ELK4: variants seen among roughly 807,000 people sequenced by gnomAD.
The protein encoded by ELK4 is ETS domain-containing protein Elk-4.
ELK4 carries 16 observed loss-of-function variants against 29.6 expected under a neutral mutation model. That is an observed-to-expected ratio of 0.54 (90% CI 0.37 to 0.82). The LOEUF is 0.82. Ranked by LOEUF, ELK4 falls within the 40% of genes least tolerant of loss-of-function variation. The probability of loss-of-function intolerance (pLI) is 0.00; values close to 1 mark genes in which losing one functional copy is unlikely to be tolerated. For missense variants in ELK4, 465 were observed against 507.1 expected, an observed-to-expected ratio of 0.92 and a Z score of 0.80; for synonymous variants, 213 against 191.1, an observed-to-expected ratio of 1.11 and a Z score of -0.95.
In ELK4 at chr1:205,620,821, C is replaced by G. The variant is rs146671060; in HGVS notation, c.225G>C (p.Val75=). Residue 75 remains valine (V), a synonymous_variant, in exon 3 of 5, where the codon GTG becomes GTC. Coordinates refer to ENST00000357992, the MANE Select transcript of ELK4 (RefSeq NM_001973.4). ...ACTTGTACACAAACTTCTGACCATT[C>G]ACTTTTTTGATGATATTCTGTAGGT... is the stretch of plus-strand genomic sequence containing the variant. ...YYYVKNIIKK[V]NGQKFVYKFV... 6.2e-7 allele frequency: 1 copy of G among 1,609,226 alleles called. No homozygotes were observed. Among genetic ancestry groups the G allele is most frequent in the Non-Finnish European group, 8.5e-7 (1 of 1,178,518 alleles).
intron 1 of ELK4, among the ~76,000 whole-genome samples, chr1:205,630,660 T>C (rs1031236117): frequency 2.6e-5 from 4 of 152,216 alleles, no homozygotes; most frequent in Admixed American, 6.5e-5. Context: ...ATTCTTACAA[T>C]AAAACTTAAA....
At position 205,613,035 on chromosome 1, in the gene ELK4, C is replaced by T. The variant is rs1291184291; in HGVS notation, c.*3511G>A. ...TCTAATTCTTTTTTTTTTTTCCTGACCGTACTCCTCAAAATCCAGATTGTT... is the reference window on the plus strand; with the variant it reads ...TCTAATTCTTTTTTTTTTTTCCTGATCGTACTCCTCAAAATCCAGATTGTT... On this transcript the variant is annotated 3_prime_UTR_variant, in exon 5 of 5. Transcript: ENST00000357992. 1 of 198,712 alleles carries T rather than the reference C, an allele frequency of 5.0e-6. No homozygotes were observed. Among genetic ancestry groups the T allele is most frequent in the African/African-American group, 2.3e-5 (1 of 42,638 alleles). 12.3% of individuals were successfully genotyped at this position (198,712 alleles called of 1,614,324 possible).
Position 205,610,735 on chromosome 1 carries a change from GC to G in ELK4, c.*5810del, listed in dbSNP as rs776627825. 4.3e-6 allele frequency: 1 copy of G among 232,200 alleles called. No homozygotes were observed. The highest frequency in any genetic ancestry group is 8.5e-6 in the Non-Finnish European group (1 of 117,508). 14.4% of individuals were successfully genotyped at this position (232,200 alleles called of 1,614,324 possible). On this transcript the variant is annotated 3_prime_UTR_variant, in exon 5 of 5. Coordinates refer to ENST00000357992, the MANE Select transcript of ELK4 (RefSeq NM_001973.4). ...AGTTTTAGTATAAAATAGACTAGGA[GC>G]CATCAATGTATGTTCCCTATGAAAA...
At chr1:205,616,708 T>C in intron 4 of ELK4, 64 bp from the exon 5 acceptor site, 1 of 1,426,274 alleles carries the variant, frequency 7.0e-7, no homozygotes, top group Non-Finnish European at 9.8e-7. Flanking sequence ...CTTTCTATCC[T>C]ACTCTATTAC....
At position 205,614,629 on chromosome 1, in the gene ELK4, T is replaced by C. The variant is rs923443407; in HGVS notation, c.*1917A>G. The C allele has an allele frequency of 4.0e-5, 9 of 227,242 alleles. No individual in the cohort carries two copies. Among genetic ancestry groups the C allele is most frequent in the Admixed American group, 2.8e-4 (5 of 17,614 alleles). The allele number at this position is 227,242 out of a possible 1,614,324, so 14.1% of individuals were successfully genotyped here. A position where few individuals can be genotyped will look rare whatever the true frequency, so the allele number is the denominator to read the frequency against. ...AGATATAAAGGCAGCTCACTGAATA[T>C]GTTCCCTCTACTACTACTAAGTTAG... On this transcript the variant is annotated 3_prime_UTR_variant, in exon 5 of 5. Transcript: ENST00000357992.
At chr1:205,623,157 C>CA (rs547986684) in intron 2 of ELK4, among the ~76,000 whole-genome samples, 1,477 of 76,608 alleles carry the variant, frequency 0.019, 22 homozygotes, top group East Asian at 0.025. Flanking sequence ...GACTCCGTCT[C>CA]AAAAAAAAAA....
Position 205,608,281 on chromosome 1 carries a change from ATT to A in ELK4, c.*8263_*8264del. On this transcript the variant is annotated 3_prime_UTR_variant, in exon 5 of 5. Transcript: ENST00000357992. Reference sequence around the variant, plus strand: ...GAGATGCACTGAGTATCAACTACACATTTTTTTTTTCAAGCAGCATATTATTA... The same window carrying A: ...GAGATGCACTGAGTATCAACTACACATTTTTTTTCAAGCAGCATATTATTA... The A allele has an allele frequency of 5.4e-6, 1 of 185,094 alleles. No homozygotes were observed. Among genetic ancestry groups the A allele is most frequent in the Admixed American group, 6.3e-5 (1 of 15,864 alleles). 11.5% of individuals were successfully genotyped at this position (185,094 alleles called of 1,614,324 possible).
chr1:205,620,008 T>A lies in ELK4; in HGVS notation c.1038A>T (p.Pro346=). The change falls in exon 3 of 5, where the codon CCA becomes CCT. Residue 346 remains proline, a synonymous_variant. Coordinates refer to ENST00000357992, the MANE Select transcript of ELK4 (RefSeq NM_001973.4). ...GTGTAAGAGAAGCTGTAGGGAGAGA[T>A]GGGCTCAGTATTCCCAGTGGGCTTG... ...SDPSPLGILS[P]SLPTASLTPA... 6.2e-7 allele frequency: 1 copy of A among 1,614,202 alleles called. No homozygotes were observed. The highest frequency in any genetic ancestry group is 2.2e-5 in the East Asian group (1 of 44,878).
chr1:205,631,448 G>T (rs377438906), intron 1 of ELK4, among the ~76,000 whole-genome samples, 184 bp downstream of exon 1: 2 of 151,076 alleles, frequency 1.3e-5, no homozygotes, highest in Non-Finnish European at 3.0e-5. Context: ...GCGCTGCGGC[G>T]TCCACCTGTG....
At chr1:205,619,811 G>A in intron 3 of ELK4, 155 bp downstream of exon 3, 3 of 1,548,622 alleles carry the variant, frequency 1.9e-6, no homozygotes, top group African/African-American at 1.4e-5. Flanking sequence ...TAATTAAGAT[G>A]AGAAATGGGG....
intron 2 of ELK4, 134 bp downstream of exon 2, chr1:205,623,542 T>C (rs1670394626): frequency 5.4e-6 from 5 of 919,654 alleles, no homozygotes; most frequent in African/African-American, 1.6e-5. Flanking sequence ...CTTGAACTCC[T>C]GACCTCAGGT....
chr1:205,620,257 T>C lies in ELK4; in HGVS notation c.789A>G (p.Glu263=), dbSNP rs147546267. 167 of 1,614,076 alleles carry C rather than the reference T, an allele frequency of 1.0e-4. No individual in the cohort carries two copies. In the African/African-American group the frequency reaches 2.0e-3, roughly 19 times the overall value. The part of the protein sequence containing the change: ...PPISSIPPLQ[E]PPRTPSPPLS... The stretch of plus-strand genomic sequence containing the variant: ...GTGGTGGTGAAGGTGTTCTGGGAGG[T>C]TCCTGCAAAGGGGGTATGGACGAAA... Residue 263 remains glutamate (E), a synonymous_variant, in exon 3 of 5, where the codon GAA becomes GAG. Coordinates refer to ENST00000357992, the MANE Select transcript of ELK4 (RefSeq NM_001973.4).
intron 2 of ELK4, among the ~76,000 whole-genome samples, chr1:205,622,706 T>C (rs887080637): frequency 6.6e-6 from 1 of 152,264 alleles, no homozygotes; most frequent in African/African-American, 2.4e-5. Flanking sequence ...AAGTAAATTA[T>C]GACACACATG....
At chr1:205,621,343 C>T (rs754363274) in intron 2 of ELK4, among the ~76,000 whole-genome samples, 2 of 151,920 alleles carry the variant, frequency 1.3e-5, no homozygotes, top group East Asian at 3.9e-4. Context: ...GAAGTTAAGG[C>T]AAGAACATTT....
intron 1 of ELK4, among the ~76,000 whole-genome samples, chr1:205,628,885 T>C (rs1326912727): frequency 1.5e-5 from 2 of 131,262 alleles, no homozygotes; most frequent in Non-Finnish European, 3.3e-5. Flanking sequence ...AAAAAAAAAA[T>C]GGCTTTGGCC....
chr1:205,616,590 G>C lies in ELK4; in HGVS notation c.1252C>G (p.Pro418Ala), dbSNP rs1408456593. 2 of 1,614,046 alleles carry C rather than the reference G, an allele frequency of 1.2e-6. No individual in the cohort carries two copies. The highest frequency in any genetic ancestry group is 3.3e-5 in the Admixed American group (2 of 59,996). The change falls in exon 5 of 5, where the codon CCT becomes GCT. Residue 418 changes from proline to alanine, a missense_variant. Pro to Ala is a conservative substitution (Grantham distance 27). Around this residue, in one of 2 missense-constraint regions of ELK4, gnomAD observed 80 missense variants for 119.6 expected, o/e 0.67. Transcript: ENST00000357992. ...GPFTLSGLDG[P>A]STPGPFSPDL... Reference sequence around the variant, plus strand: ...GGGGAAAATGGGCCAGGGGTGGAAGGTCCATCCAGCCCAGACAGAGTGAAT... The same window carrying C: ...GGGGAAAATGGGCCAGGGGTGGAAGCTCCATCCAGCCCAGACAGAGTGAAT...
Position 205,616,433 on chromosome 1 carries a change from T to C in ELK4, c.*113A>G. 1.0e-6 allele frequency: 1 copy of C among 966,910 alleles called. No individual in the cohort carries two copies. Among genetic ancestry groups the C allele is most frequent in the East Asian group, 2.6e-5 (1 of 37,840 alleles). The allele number at this position is 966,910 out of a possible 1,614,324, so 59.9% of individuals were successfully genotyped here. ...TGTTTTCAATGGGGAATGGCAAAAA[T>C]CACAATAGTCTATTATCAGCATTGT... On this transcript the variant is annotated 3_prime_UTR_variant, in exon 5 of 5. Coordinates refer to ENST00000357992, the MANE Select transcript of ELK4 (RefSeq NM_001973.4).
chr1:205,614,555 C>T lies in ELK4; in HGVS notation c.*1991G>A. ...ACTATTGCACATCTCAGGAACAGAA[C>T]CTTCAACTGATAACCACAAATGAAC... On this transcript the variant is annotated 3_prime_UTR_variant, in exon 5 of 5. Coordinates refer to ENST00000357992, the MANE Select transcript of ELK4 (RefSeq NM_001973.4). 2 of 228,818 alleles carry T rather than the reference C, an allele frequency of 8.7e-6. No homozygotes were observed. The highest frequency in any genetic ancestry group is 1.7e-5 in the Non-Finnish European group (2 of 115,342). The allele number at this position is 228,818 out of a possible 1,614,324, so 14.2% of individuals were successfully genotyped here. A position where few individuals can be genotyped will look rare whatever the true frequency, so the allele number is the denominator to read the frequency against.
In ELK4 at chr1:205,620,814, G is replaced by A; in HGVS notation, c.232C>T (p.Gln78Ter). ...VKNIIKKVNGQKFVYKFVSYP... is the reference protein window; with the variant it reads ...VKNIIKKVNG Reference sequence around the variant, plus strand: ...GAGACAAACTTGTACACAAACTTCTGACCATTCACTTTTTTGATGATATTC... The same window carrying A: ...GAGACAAACTTGTACACAAACTTCTAACCATTCACTTTTTTGATGATATTC... The change falls in exon 3 of 5, where the codon CAG (glutamine) becomes TAG (stop). Residue 78 changes from glutamine to a stop codon, truncating the protein, a stop_gained. Coordinates refer to ENST00000357992, the MANE Select transcript of ELK4 (RefSeq NM_001973.4). LOFTEE classifies it high-confidence loss of function. 1 of 1,610,400 alleles carries A rather than the reference G, an allele frequency of 6.2e-7. No individual in the cohort carries two copies. The highest frequency in any genetic ancestry group is 8.5e-7 in the Non-Finnish European group (1 of 1,179,016).
Sources: gnomAD v4.1 joint callset for allele counts (sites outside exome capture counted in the v4.1 genomes callset) on GRCh38, gnomAD v4.1.1 for gene constraint, gnomAD v4.1.1 regional missense constraint, MANE v1.5 for transcripts, NCBI Gene and HGNC (gene_info 2026-07-23, HGNC 2026-07-21) for gene names.